The following DYSF variants were observed in gnomAD, a reference collection of about 807,000 sequenced individuals.
DYSF encodes dysferlin.
A neutral mutation model predicts 274.9 loss-of-function variants in DYSF; 212 were observed. The observed-to-expected ratio is 0.77, with a 90% CI of 0.69 to 0.86. The LOEUF (loss-of-function observed/expected upper bound fraction) is 0.86, where lower values mean the gene tolerates loss of function less well. DYSF is among the 40% of genes least tolerant of loss of function. The pLI is 0.00. For synonymous variants in DYSF, 1,091 were observed against 1,078.7 expected, an observed-to-expected ratio of 1.01 and a Z score of -0.22; for missense variants, 2,666 against 2,783.2, an observed-to-expected ratio of 0.96 and a Z score of 0.95.
chr2:71,535,278 T>G lies in DYSF; in HGVS notation c.1460T>G (p.Met487Arg), dbSNP rs1274599718. 1 of 1,614,002 alleles carries G rather than the reference T, an allele frequency of 6.2e-7. No individual in the cohort carries two copies. The highest frequency in any genetic ancestry group is 8.5e-7 in the Non-Finnish European group (1 of 1,179,940). Reference sequence around the variant, plus strand: ...CTATTCCTTCCTCAGTTTCCCTCCATGTGCGAAAAAATGAGGATTCGTATC... The same window carrying G: ...CTATTCCTTCCTCAGTTTCCCTCCAGGTGCGAAAAAATGAGGATTCGTATC... ...NITLPAMFPS[M>R]CEKMRIRIID... Residue 487 changes from methionine (M) to arginine (R), a missense_variant, in exon 16 of 56, where the codon ATG (methionine) becomes AGG (arginine). Around this residue, in one of 3 missense-constraint regions of DYSF, gnomAD observed 794 missense variants for 777.1 expected, o/e 1.02. Transcript: ENST00000410020.
intron 4 of DYSF, among the ~76,000 whole-genome samples, chr2:71,510,639 T>C (rs1379201721): frequency 6.6e-6 from 1 of 152,298 alleles, no homozygotes; most frequent in Admixed American, 6.5e-5. Context: ...TCGGGAGCCT[T>C]CAGGCCCTTC....
chr2:71,567,798 T>C (rs1029913445), intron 24 of DYSF, among the ~76,000 whole-genome samples, 153 bp from the exon 25 acceptor site: 18 of 152,198 alleles, frequency 1.2e-4, no homozygotes, highest in African/African-American at 4.3e-4. Context: ...TCCCCTTCTA[T>C]GCAATTCTGG....
Position 71,668,865 on chromosome 2 carries a change from C to G in DYSF, c.5546+23C>G, listed in dbSNP as rs1236914896. On this transcript the variant is annotated intron_variant, in intron 49 of 55. Transcript: ENST00000410020. ...AAGGTGACTTGCCCAGCCACAGGCT[C>G]TGAGCTGGGCTGAGGGGTGGGGGCG... 5.0e-6 allele frequency: 8 copies of G among 1,606,492 alleles called. No homozygotes were observed. The Admixed American group carries it at 1.3e-4, about 27-fold the overall frequency.
At chr2:71,570,793 G>A (rs1322336475) in intron 29 of DYSF, 52 bp downstream of exon 29, 13 of 1,609,304 alleles carry the variant, frequency 8.1e-6, no homozygotes, top group Non-Finnish European at 1.1e-5. Context: ...CAGGTGGCCA[G>A]TAGGCACAGA....
At chr2:71,549,258 C>T in intron 17 of DYSF, 1 of 1,280,654 alleles carries the variant, frequency 7.8e-7, no homozygotes, top group Non-Finnish European at 1.1e-6. Context: ...ATCTGTCTGC[C>T]TGCCAGCTCT....
intron 4 of DYSF, among the ~76,000 whole-genome samples, chr2:71,508,509 T>C (rs868808941): frequency 3.9e-5 from 6 of 152,216 alleles, no homozygotes; most frequent in East Asian, 1.9e-4. Context: ...TTTATAACCT[T>C]GTAGCTGGAT....
chr2:71,520,820 C>G lies in DYSF; in HGVS notation c.1065C>G (p.Leu355=), dbSNP rs143370670. ...CCTATCTCAGGAAGTGGCTGCTGCT[C>G]TCAGACCCTGATGACTTCTCTGCTG... ...RHAYLRKWLL[L]SDPDDFSAGA... Residue 355 remains leucine (L), a synonymous_variant, in exon 12 of 56, where the codon CTC becomes CTG. Coordinates refer to ENST00000410020, the MANE Select transcript of DYSF (RefSeq NM_001130987.2). 17 of 1,613,942 alleles carry G rather than the reference C, an allele frequency of 1.1e-5. No individual in the cohort carries two copies. In the African/African-American group the frequency reaches 1.7e-4, roughly 16 times the overall value.
At chr2:71,558,748 G>A (rs917193222) in intron 22 of DYSF, among the ~76,000 whole-genome samples, 2 of 152,158 alleles carry the variant, frequency 1.3e-5, no homozygotes, top group African/African-American at 4.8e-5. Flanking sequence ...CCAGCAGGGA[G>A]GCTGGTTCCA....
chr2:71,532,422 G>A (rs2088834765), intron 14 of DYSF, among the ~76,000 whole-genome samples: 1 of 152,206 alleles, frequency 6.6e-6, no homozygotes, highest in Non-Finnish European at 1.5e-5. Context: ...AAGAAAAAAG[G>A]TAAAGCAAGA....
At chr2:71,465,722 T>C (rs1006089879), upstream of DYSF, among the ~76,000 whole-genome samples, 3 of 152,158 alleles carry the variant, frequency 2.0e-5, no homozygotes, top group African/African-American at 7.2e-5. Context: ...TAGTGAGGAC[T>C]TGGGCGGTGG....
intron 12 of DYSF, among the ~76,000 whole-genome samples, chr2:71,522,014 C>G (rs542334705): frequency 6.6e-6 from 1 of 151,974 alleles, no homozygotes; most frequent in South Asian, 2.1e-4. Flanking sequence ...TTCCTCCGCC[C>G]CTCCCGCTGC....
intron 26 of DYSF, among the ~76,000 whole-genome samples, chr2:71,569,589 C>G (rs1467333075): frequency 6.6e-6 from 1 of 152,156 alleles, no homozygotes; most frequent in East Asian, 1.9e-4. Context: ...GCCCCCTTTT[C>G]TCTTTATCTT....
chr2:71,641,702 C>T (rs907787109), intron 41 of DYSF, among the ~76,000 whole-genome samples: 1 of 150,210 alleles, frequency 6.7e-6, no homozygotes, highest in African/African-American at 2.5e-5. Flanking sequence ...CATATATCTC[C>T]TATTGTTGGT....
intron 8 of DYSF, 146 bp downstream of exon 8, chr2:71,515,897 T>C (rs1366971859): frequency 1.6e-6 from 2 of 1,258,090 alleles, no homozygotes; most frequent in African/African-American, 1.5e-5. Flanking sequence ...AAGGAGGTTA[T>C]CTGTGGGACT....
chr2:71,488,887 T>C (rs966944994), intron 3 of DYSF, among the ~76,000 whole-genome samples: 2 of 152,176 alleles, frequency 1.3e-5, no homozygotes, highest in African/African-American at 4.8e-5. Context: ...GCATCAGTCA[T>C]GGTGCCTGCA....
At chr2:71,674,352 A>G in intron 52 of DYSF, 56 bp downstream of exon 52, 1 of 1,549,784 alleles carries the variant, frequency 6.5e-7, no homozygotes, top group Non-Finnish European at 8.9e-7. Flanking sequence ...CAGAACCCAC[A>G]CTGTGTGTTT....
At chr2:71,533,957 GTC>G (rs1271512420) in intron 14 of DYSF, among the ~76,000 whole-genome samples, 1 of 152,122 alleles carries the variant, frequency 6.6e-6, no homozygotes, top group Non-Finnish European at 1.5e-5. Flanking sequence ...TGGATCGTTG[GTC>G]TCTCTTCTTT....
At chr2:71,682,100 G>A (rs1340586944) in intron 54 of DYSF, among the ~76,000 whole-genome samples, 1 of 152,106 alleles carries the variant, frequency 6.6e-6, no homozygotes, top group Non-Finnish European at 1.5e-5. Context: ...GTTGTTCCCT[G>A]AGCATGGACT....
At position 71,620,548 on chromosome 2, in the gene DYSF, T is replaced by C. The variant is rs2094070961; in HGVS notation, c.4466T>C (p.Leu1489Pro). The C allele has an allele frequency of 6.4e-7, 1 of 1,551,746 alleles. No individual in the cohort carries two copies. Among genetic ancestry groups the C allele is most frequent in the Non-Finnish European group, 8.7e-7 (1 of 1,147,006 alleles). ...CTAACCAGCATGTTTCATTTGTAGC[T>C]TGCAGACGGTCTGTCGAGCTTGGCC... ...DDKEPLIPIQ[L>P]ADGLSSLAPT... Residue 1489 changes from leucine to proline, a missense_variant and splice_region_variant, in exon 41 of 56, where the codon CTT becomes CCT. Around this residue, in one of 3 missense-constraint regions of DYSF, gnomAD observed 1,460 missense variants for 1,502.1 expected, o/e 0.97. Transcript: ENST00000410020.
Sources: allele counts gnomAD v4.1 joint callset (sites outside exome capture counted in the v4.1 genomes callset), GRCh38; gene constraint gnomAD v4.1.1; regional missense constraint gnomAD v4.1.1; transcripts MANE v1.5; gene names NCBI Gene and HGNC (gene_info 2026-07-23, HGNC 2026-07-21).